The following SLC16A7 variants were observed in gnomAD, a reference collection of about 807,000 sequenced individuals.
SLC16A7 encodes the protein monocarboxylate transporter 2.
SLC16A7 carries 33 observed loss-of-function variants against 34.9 expected under a neutral mutation model. That is an observed-to-expected ratio of 0.94 (90% confidence interval 0.72 to 1.26). SLC16A7 has a LOEUF of 1.26. Among genes scored for constraint, SLC16A7 ranks in the 50% most tolerant of loss-of-function variants. The pLI, the probability that SLC16A7 is intolerant of heterozygous loss-of-function variation, is 0.00. For synonymous variants in SLC16A7, 201 were observed against 206.6 expected, an observed-to-expected ratio of 0.97 and a Z score of 0.23; for missense variants, 573 against 578.1, an observed-to-expected ratio of 0.99 and a Z score of 0.09.
At chr12:59,755,259 A>T (rs1399319736) in intron 3 of SLC16A7, among the ~76,000 whole-genome samples, 1 of 152,164 alleles carries the variant, frequency 6.6e-6, no homozygotes, top group Non-Finnish European at 1.5e-5. Context: ...GGCCAGGGCA[A>T]TTAGGCAGGG....
At chr12:59,706,152 T>A (rs1213064737) in intron 3 of SLC16A7, among the ~76,000 whole-genome samples, 1 of 152,140 alleles carries the variant, frequency 6.6e-6, no homozygotes, top group Non-Finnish European at 1.5e-5. Flanking sequence ...TCTCTGACTT[T>A]CTCATAACTT....
chr12:59,713,159 A>G (rs944405452), intron 3 of SLC16A7, among the ~76,000 whole-genome samples: 4 of 152,050 alleles, frequency 2.6e-5, no homozygotes, highest in Non-Finnish European at 4.4e-5. Context: ...AGCTGGGATT[A>G]CAGGCACCCA....
intron 1 of SLC16A7, among the ~76,000 whole-genome samples, chr12:59,654,814 GTC>G (rs1868454532): frequency 6.6e-6 from 1 of 151,774 alleles, no homozygotes; most frequent in Non-Finnish European, 1.5e-5. Flanking sequence ...ACTGAAATGA[GTC>G]TCTCTGATGT....
At chr12:59,774,192 G>A (rs1467895258) in intron 4 of SLC16A7, among the ~76,000 whole-genome samples, 5 of 152,096 alleles carry the variant, frequency 3.3e-5, no homozygotes, top group South Asian at 2.1e-4. Flanking sequence ...TACAAATTAC[G>A]ACCTTTTTAG....
In SLC16A7 at chr12:59,717,232, A is replaced by G. The variant is rs376588891; in HGVS notation, c.217+12214A>G. Among the ~76,000 whole-genome samples, 201 of 152,288 alleles carry G rather than the reference A, an allele frequency of 1.3e-3. 6 individuals carry two copies. The South Asian group carries it at 0.022, about 16-fold the overall frequency. Reference sequence around the variant, plus strand: ...TCTTAGTCTCTTGTTATGTGGGACAAATTTTCCCCACTTCCATCAGAAATA... The same window carrying G: ...TCTTAGTCTCTTGTTATGTGGGACAGATTTTCCCCACTTCCATCAGAAATA... On this transcript the variant is annotated intron_variant, in intron 3 of 5. Transcript: ENST00000547379.
At chr12:59,702,588 T>C (rs982436231) in intron 2 of SLC16A7, among the ~76,000 whole-genome samples, 2 of 152,068 alleles carry the variant, frequency 1.3e-5, no homozygotes, top group Non-Finnish European at 2.9e-5. Flanking sequence ...GCATTAATTG[T>C]TTGTGGTTAA....
chr12:59,656,365 G>A (rs1465750155), intron 2 of SLC16A7, among the ~76,000 whole-genome samples: 2 of 152,032 alleles, frequency 1.3e-5, no homozygotes, highest in Admixed American at 1.3e-4. Context: ...TGGGCCCAGC[G>A]TCATCACTAG....
chr12:59,743,338 A>G (rs543108377), intron 3 of SLC16A7, among the ~76,000 whole-genome samples: 1 of 152,348 alleles, frequency 6.6e-6, no homozygotes, highest in South Asian at 2.1e-4. Flanking sequence ...TTGACAAAAG[A>G]TCATTTAAAT....
intron 2 of SLC16A7, among the ~76,000 whole-genome samples, chr12:59,700,025 A>G (rs1592524893): frequency 6.6e-6 from 1 of 151,344 alleles, no homozygotes; most frequent in East Asian, 1.9e-4. Flanking sequence ...AGTACAAGAA[A>G]ACTGTGAAGT....
At chr12:59,752,270 G>A (rs1879677629) in intron 3 of SLC16A7, among the ~76,000 whole-genome samples, 1 of 152,198 alleles carries the variant, frequency 6.6e-6, no homozygotes, top group African/African-American at 2.4e-5. Context: ...ACTTTGACGA[G>A]TTGAGAGAAG....
chr12:59,751,264 G>A (rs1265585730), intron 3 of SLC16A7, among the ~76,000 whole-genome samples: 1 of 152,232 alleles, frequency 6.6e-6, no homozygotes, highest in Non-Finnish European at 1.5e-5. Context: ...AGGACAGTGG[G>A]TGCAGCGCAC....
chr12:59,763,222 T>G (rs189842024), intron 3 of SLC16A7, among the ~76,000 whole-genome samples: 20 of 152,148 alleles, frequency 1.3e-4, no homozygotes, highest in Admixed American at 7.2e-4. Context: ...CAGATACAGG[T>G]TTTTGTCTCA....
intron 1 of SLC16A7, among the ~76,000 whole-genome samples, chr12:59,602,224 C>A (rs1207634903): frequency 6.6e-6 from 1 of 152,074 alleles, no homozygotes; most frequent in East Asian, 1.9e-4. Context: ...ACAATGAGTT[C>A]TTTATTAGTA....
intron 2 of SLC16A7, among the ~76,000 whole-genome samples, chr12:59,666,054 A>G (rs116446613): frequency 0.01 from 1,522 of 152,200 alleles, 20 homozygotes; most frequent in African/African-American, 0.035. Flanking sequence ...ATGATTTTAC[A>G]ATTGGAGTTT....
intron 3 of SLC16A7, among the ~76,000 whole-genome samples, chr12:59,759,309 T>C (rs903973418): frequency 1.3e-5 from 2 of 151,958 alleles, no homozygotes; most frequent in Non-Finnish European, 2.9e-5. Flanking sequence ...TTATATACCA[T>C]TGGAAACATT....
chr12:59,611,849 A>G (rs1592388538), intron 1 of SLC16A7, among the ~76,000 whole-genome samples: 2 of 152,338 alleles, frequency 1.3e-5, no homozygotes, highest in African/African-American at 2.4e-5. Flanking sequence ...CTTTGACTCC[A>G]TGTCTCACAT....
intron 2 of SLC16A7, among the ~76,000 whole-genome samples, chr12:59,698,532 G>C (rs945874098): frequency 6.6e-6 from 1 of 151,762 alleles, no homozygotes; most frequent in Admixed American, 6.6e-5. Flanking sequence ...CAGAGTCATG[G>C]CCTATGCCTA....
At chr12:59,619,957 A>G (rs1767437491) in intron 1 of SLC16A7, among the ~76,000 whole-genome samples, 1 of 151,990 alleles carries the variant, frequency 6.6e-6, no homozygotes, top group Non-Finnish European at 1.5e-5. Flanking sequence ...GTGACTCACT[A>G]AAATTCACAA....
intron 1 of SLC16A7, among the ~76,000 whole-genome samples, chr12:59,628,862 T>C (rs371894205): frequency 7.9e-5 from 12 of 151,970 alleles, no homozygotes; most frequent in African/African-American, 2.9e-4. Context: ...TCAAAAGACT[T>C]TTTAAAATCT....
Sources: allele counts gnomAD v4.1 joint callset (sites outside exome capture counted in the v4.1 genomes callset), GRCh38; gene constraint gnomAD v4.1.1; transcripts MANE v1.5; gene names NCBI Gene and HGNC (gene_info 2026-07-23, HGNC 2026-07-21).